Variants in ANKRD11 observed in about 807,000 individuals in gnomAD.
ANKRD11 encodes ankyrin repeat domain 11.
ANKRD11 carries 17 observed loss-of-function variants against 195.7 expected under a neutral mutation model. That is an observed-to-expected ratio of 0.09 (90% CI 0.06 to 0.13). The LOEUF is 0.13. Ranked by LOEUF, ANKRD11 falls within the 10% of genes least tolerant of loss-of-function variation. The pLI, the probability that ANKRD11 is intolerant of heterozygous loss-of-function variation, is 1.00. For synonymous variants in ANKRD11, 1,953 were observed against 1,528.1 expected (o/e 1.28, Z -6.49); for missense variants, 3,735 against 3,566.1 (o/e 1.05, Z -1.21).
At chr16:89,373,397 AC>A (rs2040279547) in intron 2 of ANKRD11, 1 of 152,452 alleles carries the variant, frequency 6.6e-6, no homozygotes, top group Admixed American at 6.5e-5. Context: ...CACGCCTTCC[AC>A]CGGGGGCAAC....
At chr16:89,341,990 C>CGA (rs72152122) in intron 2 of ANKRD11, among the ~76,000 whole-genome samples, 60 of 77,540 alleles carry the variant, frequency 7.7e-4, no homozygotes, top group African/African-American at 2.3e-3. Context: ...CACCTCCACC[C>CGA]ACAGCGGCCA....
At chr16:89,423,950 G>C (rs1331025439) in intron 1 of ANKRD11, among the ~76,000 whole-genome samples, 3 of 152,100 alleles carry the variant, frequency 2.0e-5, no homozygotes, top group South Asian at 4.1e-4. Flanking sequence ...TAAGAGGACA[G>C]GGTACAACCT....
At chr16:89,385,985 G>A (rs1210293044) in intron 2 of ANKRD11, among the ~76,000 whole-genome samples, 2 of 152,202 alleles carry the variant, frequency 1.3e-5, no homozygotes, top group African/African-American at 2.4e-5. Flanking sequence ...GGCTCAAGCC[G>A]GCCTCCCGCT....
intron 2 of ANKRD11, among the ~76,000 whole-genome samples, chr16:89,342,593 CA>C (rs947707311): frequency 1.3e-4 from 20 of 152,334 alleles, no homozygotes; most frequent in African/African-American, 4.8e-4. Context: ...TCCCCTCTAT[CA>C]TCTTTCTGAG....
intron 2 of ANKRD11, among the ~76,000 whole-genome samples, chr16:89,406,110 A>C (rs1301890363): frequency 2.4e-5 from 3 of 127,442 alleles, no homozygotes; most frequent in Non-Finnish European, 3.2e-5. Flanking sequence ...ATTCCATCTC[A>C]AAAAAAAAAA....
At chr16:89,352,249 G>C (rs1325360576) in intron 2 of ANKRD11, among the ~76,000 whole-genome samples, 1 of 152,086 alleles carries the variant, frequency 6.6e-6, no homozygotes, top group Non-Finnish European at 1.5e-5. Context: ...CTGGACACGA[G>C]ACAAGACTTG....
At position 89,275,470 on chromosome 16, in the gene ANKRD11, G is replaced by A. The variant is rs148467461; in HGVS notation, c.7471-279C>T. On this transcript the variant is annotated intron_variant, in intron 9 of 12. Coordinates refer to ENST00000301030, the MANE Select transcript of ANKRD11 (RefSeq NM_013275.6). ...CGGGACAGTATCTGTGGGCCATCGTGTGCCAAGGAGGGCCTGAAACACCGG... is the reference window on the plus strand; with the variant it reads ...CGGGACAGTATCTGTGGGCCATCGTATGCCAAGGAGGGCCTGAAACACCGG... Among the ~76,000 whole-genome samples the A allele has an allele frequency of 7.7e-3, 1,169 of 152,350 alleles. 15 individuals carry two copies. Among genetic ancestry groups the A allele is most frequent in the African/African-American group, 0.026 (1,092 of 41,580 alleles).
chr16:89,269,742 C>T (rs937565616), intron 12 of ANKRD11, among the ~76,000 whole-genome samples: 5 of 152,020 alleles, frequency 3.3e-5, no homozygotes, highest in African/African-American at 4.8e-5. Context: ...ATTACAGGCA[C>T]GCACCACCAT....
intron 11 of ANKRD11, chr16:89,273,063 AAG>A (rs1555522713): frequency 6.6e-6 from 1 of 151,690 alleles, no homozygotes; most frequent in African/African-American, 2.4e-5. Context: ...AAAAAAAAAA[AAG>A]AATGGATAAG....
At position 89,281,473 on chromosome 16, in the gene ANKRD11, G is replaced by A. The variant is rs376034086; in HGVS notation, c.5069C>T (p.Pro1690Leu). Residue 1690 changes from proline (P) to leucine (L), a missense_variant, in exon 9 of 13, where the codon CCT becomes CTT. Transcript: ENST00000301030. This position sits in a 1 kb window ranked among gnomAD's most constrained non-coding sequence, Gnocchi z 5.5. The stretch of plus-strand genomic sequence containing the variant: ...GCTCTGGTCAGGCCTGGGGGACGCA[G>A]GCAGGACCTCTTTCATGTGAGGGCC... ...LAGPHMKEVLPASPRPDQSRP... is the reference protein window; with the variant it reads ...LAGPHMKEVLLASPRPDQSRP... 5 of 1,614,198 alleles carry A rather than the reference G, an allele frequency of 3.1e-6. No homozygotes were observed. The highest frequency in any genetic ancestry group is 3.3e-5 in the Admixed American group (2 of 60,030).
chr16:89,403,933 A>C (rs75250011), intron 2 of ANKRD11, among the ~76,000 whole-genome samples: 3,743 of 152,294 alleles, frequency 0.025, 143 homozygotes, highest in African/African-American at 0.085. Flanking sequence ...TTAAAAAAGC[A>C]AAACAACAAC....
intron 2 of ANKRD11, among the ~76,000 whole-genome samples, chr16:89,348,624 A>G (rs2039054373): frequency 6.6e-6 from 1 of 152,194 alleles, no homozygotes; most frequent in South Asian, 2.1e-4. Flanking sequence ...AATTTCTTTA[A>G]TAGATACAGG....
intron 2 of ANKRD11, among the ~76,000 whole-genome samples, chr16:89,364,828 G>T (rs1295354410): frequency 1.3e-5 from 2 of 152,186 alleles, no homozygotes; most frequent in Non-Finnish European, 2.9e-5. Context: ...AGCTTGCTCA[G>T]CACCACGGCC....
chr16:89,401,342 G>A (rs2041678354), intron 2 of ANKRD11, among the ~76,000 whole-genome samples: 1 of 152,050 alleles, frequency 6.6e-6, no homozygotes. Context: ...CTCCCAAAGT[G>A]CTGGGATTAC....
chr16:89,403,051 C>G (rs2041765199), intron 2 of ANKRD11, among the ~76,000 whole-genome samples: 1 of 152,182 alleles, frequency 6.6e-6, no homozygotes, highest in South Asian at 2.1e-4. Flanking sequence ...CCTCGCTCAA[C>G]TGCGTGGTGG....
chr16:89,384,120 C>T (rs1171649691), intron 2 of ANKRD11, among the ~76,000 whole-genome samples: 3 of 152,034 alleles, frequency 2.0e-5, no homozygotes, highest in East Asian at 1.9e-4. Flanking sequence ...CTCAGGAGGC[C>T]GAGGCAGGGA....
At chr16:89,417,840 C>G (rs993022964) in intron 2 of ANKRD11, among the ~76,000 whole-genome samples, 1 of 150,970 alleles carries the variant, frequency 6.6e-6, no homozygotes, top group African/African-American at 2.4e-5. Context: ...GACAACCAGG[C>G]AAGACCACCA....
intron 2 of ANKRD11, among the ~76,000 whole-genome samples, chr16:89,404,650 C>G (rs935810913): frequency 1.3e-5 from 2 of 152,204 alleles, no homozygotes; most frequent in East Asian, 3.9e-4. Flanking sequence ...TACTATGGAT[C>G]CTGAGGGCGA....
chr16:89,301,390 T>C (rs1341947578), intron 4 of ANKRD11: 4 of 396,404 alleles, frequency 1.0e-5, no homozygotes, highest in Non-Finnish European at 1.8e-5. Flanking sequence ...TAAGGCTTTT[T>C]AAACTGAGAC....
Sources: gnomAD v4.1 joint callset for allele counts (sites outside exome capture counted in the v4.1 genomes callset) on GRCh38, gnomAD v4.1.1 for gene constraint, Gnocchi (gnomAD v3.1) non-coding constraint, MANE v1.5 for transcripts, NCBI Gene and HGNC (gene_info 2026-07-23, HGNC 2026-07-21) for gene names.